The following ZNF524 variants were observed in gnomAD, a reference collection of about 807,000 sequenced individuals.
The protein encoded by ZNF524 is zinc finger protein 524.
For synonymous variants in ZNF524, 194 were observed against 166.3 expected (o/e 1.17, Z -1.28); for missense variants, 388 against 380.1 (o/e 1.02, Z -0.17).
At position 55,602,259 on chromosome 19, in the gene ZNF524, C is replaced by T. The variant is rs1024963136; in HGVS notation, c.147C>T (p.Ser49=). The T allele has an allele frequency of 5.6e-6, 9 of 1,607,810 alleles. No individual in the cohort carries two copies. The South Asian group carries it at 1.0e-4, about 18-fold the overall frequency. ...CCTCAAATCGGACACTCAAGGCCTCCCTCCCTCGCAAGCGGGGCCGCCCCC... is the reference window on the plus strand; with the variant it reads ...CCTCAAATCGGACACTCAAGGCCTCTCTCCCTCGCAAGCGGGGCCGCCCCC... ...ATSSNRTLKA[S]LPRKRGRPPK... The change falls in exon 2 of 2, where the codon TCC becomes TCT. Residue 49 remains serine (S), a synonymous_variant. Transcript: ENST00000301073.
chr19:55,602,595 C>T lies in ZNF524; in HGVS notation c.483C>T (p.Cys161=). The T allele has an allele frequency of 6.3e-7, 1 of 1,584,582 alleles. No individual in the cohort carries two copies. Among genetic ancestry groups the T allele is most frequent in the Non-Finnish European group, 8.5e-7 (1 of 1,171,732 alleles). The change falls in exon 2 of 2, where the codon TGC becomes TGT. Residue 161 remains cysteine (C), a synonymous_variant. Coordinates refer to ENST00000301073, the MANE Select transcript of ZNF524 (RefSeq NM_153219.4). ...FKRSSHLRRH[C]NIHAGLRPFR... Reference sequence around the variant, plus strand: ...GCTCCAGCCACCTGCGGCGGCACTGCAACATCCATGCCGGCCTGCGGCCCT... The same window carrying T: ...GCTCCAGCCACCTGCGGCGGCACTGTAACATCCATGCCGGCCTGCGGCCCT...
chr19:55,602,940 G>A lies in ZNF524; in HGVS notation c.*33G>A. On this transcript the variant is annotated 3_prime_UTR_variant, in exon 2 of 2. Coordinates refer to ENST00000301073, the MANE Select transcript of ZNF524 (RefSeq NM_153219.4). ...CCCCGGCCATCGCTCCCTGGGCCAG[G>A]TTTAGAGCAGGGAGTTTGGCTGGTG... The A allele has an allele frequency of 6.6e-7, 1 of 1,505,568 alleles. No individual in the cohort carries two copies. Among genetic ancestry groups the A allele is most frequent in the Non-Finnish European group, 8.9e-7 (1 of 1,122,792 alleles). 93.3% of individuals were successfully genotyped at this position (1,505,568 alleles called of 1,614,324 possible).
At position 55,602,917 on chromosome 19, in the gene ZNF524, C is replaced by G; in HGVS notation, c.*10C>G. On this transcript the variant is annotated 3_prime_UTR_variant, in exon 2 of 2. Coordinates refer to ENST00000301073, the MANE Select transcript of ZNF524 (RefSeq NM_153219.4). Reference sequence around the variant, plus strand: ...AGGGGAGCCGGCCTGACCCACACCCCCGGCCATCGCTCCCTGGGCCAGGTT... The same window carrying G: ...AGGGGAGCCGGCCTGACCCACACCCGCGGCCATCGCTCCCTGGGCCAGGTT... 1.9e-6 allele frequency: 3 copies of G among 1,539,364 alleles called. No individual in the cohort carries two copies. The highest frequency in any genetic ancestry group is 2.6e-6 in the Non-Finnish European group (3 of 1,139,398).
chr19:55,603,001 T>G lies in ZNF524; in HGVS notation c.*94T>G, dbSNP rs1464081965. On this transcript the variant is annotated 3_prime_UTR_variant, in exon 2 of 2. Transcript: ENST00000301073. ...GCCAGGGGGCCGGGACACCCTTGTT[T>G]CCGGTGGTCTTCCCGTTGTGGGAGC... The G allele has an allele frequency of 1.6e-5, 23 of 1,396,070 alleles. No individual in the cohort carries two copies. Among genetic ancestry groups the G allele is most frequent in the Non-Finnish European group, 2.2e-5 (23 of 1,049,504 alleles). 86.5% of individuals were successfully genotyped at this position (1,396,070 alleles called of 1,614,324 possible). A position where few individuals can be genotyped will look rare whatever the true frequency, so the allele number is the denominator to read the frequency against.
At position 55,602,607 on chromosome 19, in the gene ZNF524, C is replaced by G; in HGVS notation, c.495C>G (p.Ala165=). ...SHLRRHCNIH[A]GLRPFRCPLC... ...TGCGGCGGCACTGCAACATCCATGC[C>G]GGCCTGCGGCCCTTCCGCTGCCCGC... Residue 165 remains alanine (A), a synonymous_variant, in exon 2 of 2, where the codon GCC becomes GCG. Transcript: ENST00000301073. 1 of 1,580,306 alleles carries G rather than the reference C, an allele frequency of 6.3e-7. No individual in the cohort carries two copies.
chr19:55,601,885 G>T, intron 1 of ZNF524, 190 bp from the exon 2 acceptor site: 1 of 409,112 alleles, frequency 2.4e-6, no homozygotes, highest in Non-Finnish European at 4.3e-6. Context: ...GCTCAGGGAA[G>T]TGCCTGTTTA....
Position 55,602,363 on chromosome 19 carries a change from T to A in ZNF524, c.251T>A (p.Leu84His). 6.4e-7 allele frequency: 1 copy of A among 1,560,554 alleles called. No individual in the cohort carries two copies. Among genetic ancestry groups the A allele is most frequent in the Non-Finnish European group, 8.7e-7 (1 of 1,153,094 alleles). The change falls in exon 2 of 2, where the codon CTC (leucine) becomes CAC (histidine). Residue 84 changes from leucine to histidine, a missense_variant. By Grantham distance (99) the Leu-to-His change is moderately conservative. Transcript: ENST00000301073. The part of the protein sequence containing the change: ...APVGSSGGSD[L>H]LLIDDQGVPY... Reference sequence around the variant, plus strand: ...GTAGGCAGCAGTGGCGGGAGCGACCTCCTCCTGATCGATGATCAGGGTGTG... The same window carrying A: ...GTAGGCAGCAGTGGCGGGAGCGACCACCTCCTGATCGATGATCAGGGTGTG...
chr19:55,602,279 GC>G lies in ZNF524; in HGVS notation c.174del (p.Lys59SerfsTer14), dbSNP rs750719825. ...GCCTCCCTCCCTCGCAAGCGGGGCCGCCCCCCCAAGTCAGGGCAGGAGCCCC... is the reference window on the plus strand; with the variant it reads ...GCCTCCCTCCCTCGCAAGCGGGGCCGCCCCCCAAGTCAGGGCAGGAGCCCC... ...LKASLPRKRGRPPKSGQEPPL... is the reference protein window; with the variant it reads ...LKASLPRKRGXPPKSGQEPPL... On this transcript the variant is annotated frameshift_variant, in exon 2 of 2. Coordinates refer to ENST00000301073, the MANE Select transcript of ZNF524 (RefSeq NM_153219.4). LOFTEE classifies it low-confidence loss of function (END_TRUNC). The G allele has an allele frequency of 1.9e-6, 3 of 1,590,500 alleles. No homozygotes were observed. The highest frequency in any genetic ancestry group is 2.6e-6 in the Non-Finnish European group (3 of 1,168,722).
Position 55,602,436 on chromosome 19 carries a change from C to T in ZNF524, c.324C>T (p.Gly108=), listed in dbSNP as rs1260744385. 6.3e-7 allele frequency: 1 copy of T among 1,593,270 alleles called. No homozygotes were observed. Among genetic ancestry groups the T allele is most frequent in the Non-Finnish European group, 8.5e-7 (1 of 1,173,192 alleles). Reference sequence around the variant, plus strand: ...CAGCGGCTGGGCCTGAGGGCTCTGGCCCCAGGAAGGCCCCACACTTCTGCC... The same window carrying T: ...CAGCGGCTGGGCCTGAGGGCTCTGGTCCCAGGAAGGCCCCACACTTCTGCC... ...EGSAAGPEGS[G]PRKAPHFCPV... The change falls in exon 2 of 2, where the codon GGC becomes GGT. Residue 108 remains glycine, a synonymous_variant. Transcript: ENST00000301073.
At position 55,602,902 on chromosome 19, in the gene ZNF524, G is replaced by C. The variant is rs1980775845; in HGVS notation, c.790G>C (p.Ala264Pro). The change falls in exon 2 of 2, where the codon GCC becomes CCC. Residue 264 changes from alanine (A) to proline (P), a missense_variant. Ala to Pro is a conservative substitution (Grantham distance 27, BLOSUM62 -1). Coordinates refer to ENST00000301073, the MANE Select transcript of ZNF524 (RefSeq NM_153219.4). The stretch of plus-strand genomic sequence containing the variant: ...GGAGACAGAGGGGAAAGGGGAGCCG[G>C]CCTGACCCACACCCCCGGCCATCGC... ...EEETEGKGEP[A>P] 6.4e-7 allele frequency: 1 copy of C among 1,564,488 alleles called. No homozygotes were observed. Among genetic ancestry groups the C allele is most frequent in the Non-Finnish European group, 8.7e-7 (1 of 1,154,132 alleles).
At chr19:55,600,048 A>C (rs916346031), upstream of ZNF524, 1 of 152,184 alleles carries the variant, frequency 6.6e-6, no homozygotes, top group Non-Finnish European at 1.5e-5. Context: ...GGGTCACCCG[A>C]CTGTGGGCTT....
intron 1 of ZNF524, chr19:55,601,860 G>A (rs1441327906): frequency 1.3e-5 from 5 of 376,704 alleles, no homozygotes; most frequent in Non-Finnish European, 2.4e-5. Context: ...GGGAGGCATA[G>A]GGATGTCTGG....
Position 55,602,412 on chromosome 19 carries a change from A to C in ZNF524, c.300A>C (p.Ser100=). The C allele has an allele frequency of 6.3e-7, 1 of 1,588,068 alleles. No individual in the cohort carries two copies. Residue 100 remains serine, a synonymous_variant, in exon 2 of 2, where the codon TCA becomes TCC. Transcript: ENST00000301073. ...QGVPYTVSEG[S]AAGPEGSGPR... is the part of the protein sequence containing the mutation. ...TGCCCTATACGGTCTCTGAAGGTTC[A>C]GCGGCTGGGCCTGAGGGCTCTGGCC...
At chr19:55,602,014 T>C (rs1980703763) in intron 1 of ZNF524, 61 bp from the exon 2 acceptor site, 1 of 1,141,634 alleles carries the variant, frequency 8.8e-7, no homozygotes, top group East Asian at 2.5e-5. Flanking sequence ...GGCGAGGTGT[T>C]GGGGGACACA....
At chr19:55,600,008 C>T (rs1980564428), upstream of ZNF524, 2 of 152,256 alleles carry the variant, frequency 1.3e-5, no homozygotes, top group Admixed American at 6.5e-5. Flanking sequence ...CAGCCATTTT[C>T]CCGCTCCTCA....
chr19:55,602,339 T>G lies in ZNF524; in HGVS notation c.227T>G (p.Val76Gly). Residue 76 changes from valine (V) to glycine (G), a missense_variant, in exon 2 of 2, where the codon GTA (valine) becomes GGA (glycine). By Grantham distance (109) the Val-to-Gly change is moderately radical. Transcript: ENST00000301073. ...CAGGTGCAGGGGGTGACAGCCCCAGTAGGCAGCAGTGGCGGGAGCGACCTC... is the reference window on the plus strand; with the variant it reads ...CAGGTGCAGGGGGTGACAGCCCCAGGAGGCAGCAGTGGCGGGAGCGACCTC... The part of the protein sequence containing the change: ...LVQVQGVTAP[V>G]GSSGGSDLLL... 1 of 1,578,144 alleles carries G rather than the reference T, an allele frequency of 6.3e-7. No homozygotes were observed. The highest frequency in any genetic ancestry group is 8.6e-7 in the Non-Finnish European group (1 of 1,162,276).
At chr19:55,600,121 A>C (rs1980573789), upstream of ZNF524, 1 of 152,126 alleles carries the variant, frequency 6.6e-6, no homozygotes, top group Non-Finnish European at 1.5e-5. Flanking sequence ...CCCACTGGGG[A>C]CACACCAGGG....
chr19:55,601,872 G>T, intron 1 of ZNF524: 1 of 391,668 alleles, frequency 2.6e-6, no homozygotes, highest in Non-Finnish European at 4.5e-6. Context: ...GATGTCTGGT[G>T]GAGCTCAGGG....
At position 55,602,747 on chromosome 19, in the gene ZNF524, C is replaced by T. The variant is rs756377926; in HGVS notation, c.635C>T (p.Thr212Met). 2 of 1,608,288 alleles carry T rather than the reference C, an allele frequency of 1.2e-6. No homozygotes were observed. The highest frequency in any genetic ancestry group is 1.7e-5 in the Admixed American group (1 of 59,972). ...ICRLRFTEAN[T>M]LRRHAKRKHP... ...CGGCTGCGCTTTACAGAGGCCAACA[C>T]GCTCCGGCGCCATGCGAAGCGCAAG... Residue 212 changes from threonine to methionine, a missense_variant, in exon 2 of 2, where the codon ACG becomes ATG. Thr to Met is a moderately conservative substitution (Grantham distance 81). Transcript: ENST00000301073.
Sources: allele counts gnomAD v4.1 joint callset, GRCh38; gene constraint gnomAD v4.1.1; transcripts MANE v1.5; gene names NCBI Gene and HGNC (gene_info 2026-07-23, HGNC 2026-07-21).